The following CHRM5 variants were observed in gnomAD, a reference collection of about 807,000 sequenced individuals.
The protein encoded by CHRM5 is muscarinic acetylcholine receptor M5.
In CHRM5, 18 loss-of-function variants were observed where a neutral mutation model predicts 39.0. That is an observed-to-expected ratio of 0.46 (90% confidence interval 0.32 to 0.68). CHRM5 has a LOEUF of 0.68. CHRM5 is among the 30% of genes least tolerant of loss of function. The pLI, the probability that CHRM5 is intolerant of heterozygous loss-of-function variation, is 0.04. For synonymous variants in CHRM5, 241 were observed against 246.3 expected, an observed-to-expected ratio of 0.98 and a Z score of 0.20; for missense variants, 515 against 651.1, an observed-to-expected ratio of 0.79 and a Z score of 2.28.
At chr15:34,030,678 G>C (rs1898745821) in intron 1 of CHRM5, among the ~76,000 whole-genome samples, 1 of 152,010 alleles carries the variant, frequency 6.6e-6, no homozygotes, top group Admixed American at 6.6e-5. Context: ...ATCCAGGCTG[G>C]AGTGATCATA....
chr15:34,021,926 G>C (rs1047509919), intron 1 of CHRM5, among the ~76,000 whole-genome samples: 3 of 152,162 alleles, frequency 2.0e-5, no homozygotes, highest in Admixed American at 1.3e-4. Context: ...AAAGAAGTGA[G>C]CACCCACAGC....
At chr15:34,017,328 A>G (rs1897962428) in intron 1 of CHRM5, among the ~76,000 whole-genome samples, 1 of 152,160 alleles carries the variant, frequency 6.6e-6, no homozygotes, top group East Asian at 1.9e-4. Flanking sequence ...TCCCTGTTCC[A>G]TAAAGTTAAG....
At chr15:34,057,640 A>C (rs1900205792) in intron 2 of CHRM5, among the ~76,000 whole-genome samples, 1 of 152,200 alleles carries the variant, frequency 6.6e-6, no homozygotes, top group Non-Finnish European at 1.5e-5. Context: ...AAAGTCATAC[A>C]GTAAGTTGGA....
chr15:34,038,693 C>T, intron 1 of CHRM5: 2 of 1,083,390 alleles, frequency 1.8e-6, no homozygotes, highest in Non-Finnish European at 2.2e-6. Flanking sequence ...GCGCCTGGCA[C>T]GCTCTCTTGC....
chr15:34,029,246 T>C (rs1245826154), intron 1 of CHRM5, among the ~76,000 whole-genome samples: 2 of 152,184 alleles, frequency 1.3e-5, no homozygotes, highest in Non-Finnish European at 2.9e-5. Flanking sequence ...TACTTCCATA[T>C]TGTAAAAATG....
chr15:34,033,500 C>T lies in CHRM5; in HGVS notation c.-407-13040C>T, dbSNP rs570829145. On this transcript the variant is annotated intron_variant, in intron 1 of 2. Transcript: ENST00000383263. Reference sequence around the variant, plus strand: ...CAGCCTGGGTAACAGAGCGAGGCTCCGTCTCAAAAAAAAAAAAAAAATTGC... The same window carrying T: ...CAGCCTGGGTAACAGAGCGAGGCTCTGTCTCAAAAAAAAAAAAAAAATTGC... Among the ~76,000 whole-genome samples, 843 of 146,180 alleles carry T rather than the reference C, an allele frequency of 5.8e-3. 11 individuals carry two copies. Among genetic ancestry groups the T allele is most frequent in the African/African-American group, 0.021 (810 of 39,506 alleles).
rs1485189821 is a variant in CHRM5, at chr15:34,013,219, G to A, written c.-407-33321G>A. On this transcript the variant is annotated intron_variant, in intron 1 of 2. Transcript: ENST00000383263. The stretch of plus-strand genomic sequence containing the variant: ...TGGGATTACAGGCGCGCGCCACCAC[G>A]CCCAGCTAATATTTGTATTTTTAGC... Among the ~76,000 whole-genome samples the A allele has an allele frequency of 2.6e-5, 4 of 152,108 alleles. No homozygotes were observed. The South Asian group carries it at 6.2e-4, about 24-fold the overall frequency.
chr15:33,982,580 A>T (rs183898093), intron 1 of CHRM5, among the ~76,000 whole-genome samples: 53 of 152,312 alleles, frequency 3.5e-4, no homozygotes, highest in African/African-American at 1.1e-3. Context: ...TCCTTTTTTA[A>T]GATTTTACAA....
intron 1 of CHRM5, among the ~76,000 whole-genome samples, chr15:34,034,309 T>G (rs921936739): frequency 4.6e-5 from 7 of 152,124 alleles, no homozygotes; most frequent in African/African-American, 1.7e-4. Flanking sequence ...GGTATGGTGG[T>G]TCACGCCTGT....
chr15:34,019,139 C>A (rs1389542402), intron 1 of CHRM5, among the ~76,000 whole-genome samples: 1 of 152,218 alleles, frequency 6.6e-6, no homozygotes, highest in Non-Finnish European at 1.5e-5. Context: ...CAGAAAAGTT[C>A]TCCAAGTCCC....
chr15:33,992,483 T>C (rs536935633), intron 1 of CHRM5, among the ~76,000 whole-genome samples: 1 of 152,260 alleles, frequency 6.6e-6, no homozygotes, highest in South Asian at 2.1e-4. Flanking sequence ...TCCTTGTTTT[T>C]ATTTTTTTGG....
At chr15:34,037,825 A>G (rs1899220655) in intron 1 of CHRM5, among the ~76,000 whole-genome samples, 1 of 152,122 alleles carries the variant, frequency 6.6e-6, no homozygotes, top group African/African-American at 2.4e-5. Flanking sequence ...CTTATCTGCT[A>G]TGCCCTCAAG....
intron 1 of CHRM5, among the ~76,000 whole-genome samples, chr15:34,036,099 T>G (rs1340482900): frequency 2.7e-5 from 4 of 147,326 alleles, no homozygotes; most frequent in African/African-American, 9.8e-5. Flanking sequence ...CCCAGCCAGT[T>G]TTGTGTTTTT....
chr15:34,036,979 C>T (rs1899159670), intron 1 of CHRM5, among the ~76,000 whole-genome samples: 1 of 152,024 alleles, frequency 6.6e-6, no homozygotes, highest in Admixed American at 6.6e-5. Flanking sequence ...CAAGGTGGCT[C>T]ATGCCTGTAA....
intron 1 of CHRM5, among the ~76,000 whole-genome samples, chr15:34,035,998 G>T (rs1465099284): frequency 6.6e-6 from 1 of 151,976 alleles, no homozygotes; most frequent in Non-Finnish European, 1.5e-5. Context: ...GTCTCGTTAT[G>T]TTGCCCAGTC....
At chr15:34,057,289 A>ACCACGC (rs1271902505) in intron 2 of CHRM5, among the ~76,000 whole-genome samples, 1 of 141,062 alleles carries the variant, frequency 7.1e-6, no homozygotes, top group Non-Finnish European at 1.5e-5. Flanking sequence ...GGCACATGCC[A>ACCACGC]CCACGCCCAG....
chr15:33,983,783 T>C (rs1311457566), intron 1 of CHRM5, among the ~76,000 whole-genome samples: 1 of 152,066 alleles, frequency 6.6e-6, no homozygotes, highest in African/African-American at 2.4e-5. Context: ...GGTTTCTAAG[T>C]GGTAACTAAG....
At chr15:34,059,136 A>C (rs1900254038) in intron 2 of CHRM5, among the ~76,000 whole-genome samples, 1 of 152,056 alleles carries the variant, frequency 6.6e-6, no homozygotes, top group Admixed American at 6.5e-5. Flanking sequence ...ACCTCAGGCT[A>C]TCCACCCGCC....
chr15:33,999,067 C>T (rs1897044820), intron 1 of CHRM5, among the ~76,000 whole-genome samples: 1 of 152,198 alleles, frequency 6.6e-6, no homozygotes, highest in Admixed American at 6.5e-5. Flanking sequence ...ATTTATCCTC[C>T]ACCCTTCTCC....
Sources: gnomAD v4.1 joint callset for allele counts (sites outside exome capture counted in the v4.1 genomes callset) on GRCh38, gnomAD v4.1.1 for gene constraint, MANE v1.5 for transcripts, NCBI Gene and HGNC (gene_info 2026-07-23, HGNC 2026-07-21) for gene names.